Variants in STPG2 observed in about 807,000 individuals in gnomAD.
STPG2 encodes the protein sperm tail PG-rich repeat containing 2.
A neutral mutation model predicts 54.2 loss-of-function variants in STPG2; 56 were observed. The observed-to-expected ratio is 1.03, with a 90% confidence interval of 0.83 to 1.29. The LOEUF (loss-of-function observed/expected upper bound fraction) is 1.29, where lower values mean the gene tolerates loss of function less well. STPG2 is among the 50% of genes most tolerant of loss of function. The pLI, the probability that STPG2 is intolerant of heterozygous loss-of-function variation, is 0.00. For missense variants in STPG2, 596 were observed against 544.9 expected (o/e 1.09, Z -0.93); for synonymous variants, 200 against 181.8 (o/e 1.10, Z -0.81).
intron 10 of STPG2, among the ~76,000 whole-genome samples, chr4:97,689,760 C>T (rs1723307152): frequency 6.6e-6 from 1 of 152,010 alleles, no homozygotes; most frequent in South Asian, 2.1e-4. Flanking sequence ...ATTTAAGACA[C>T]AAGTCTCTCA....
chr4:97,583,239 A>G (rs1001749497), intron 10 of STPG2, among the ~76,000 whole-genome samples: 7 of 151,892 alleles, frequency 4.6e-5, no homozygotes, highest in Admixed American at 2.0e-4. Flanking sequence ...CCCATTATCA[A>G]CTACAAAAAT....
intron 10 of STPG2, among the ~76,000 whole-genome samples, chr4:97,576,160 C>G (rs1732717295): frequency 6.6e-6 from 1 of 151,436 alleles, no homozygotes; most frequent in Non-Finnish European, 1.5e-5. Flanking sequence ...TAGGCAGAAT[C>G]AATATTGGTA....
At chr4:98,128,739 GT>G (rs961414078) in intron 2 of STPG2, 147 bp from the exon 3 acceptor site, 135 of 690,492 alleles carry the variant, frequency 2.0e-4, no homozygotes, top group Middle Eastern at 4.4e-4. Flanking sequence ...TTTTGTTATT[GT>G]TTTTTTTGAG....
rs191466562 is a variant in STPG2 at position 97,987,443 on chromosome 4, G to A, written c.613-6125C>T. ...TTTAGGAAATAGTTTAACTACATAT[G>A]TTAATTGTAAGAAATTAAGCTTTTA... is the stretch of plus-strand genomic sequence containing the variant. On this transcript the variant is annotated intron_variant, in intron 5 of 10. Coordinates refer to ENST00000295268, the MANE Select transcript of STPG2 (RefSeq NM_174952.3). 2.0e-4 allele frequency among the ~76,000 whole-genome samples: 31 copies of A among 152,082 alleles called. 1 individual carries two copies. The highest frequency in any genetic ancestry group is 1.7e-3 in the Admixed American group (26 of 15,258).
intron 1 of STPG2, among the ~76,000 whole-genome samples, chr4:98,135,293 CTAA>C (rs2110168991): frequency 6.6e-6 from 1 of 151,692 alleles, no homozygotes; most frequent in South Asian, 2.1e-4. Context: ...CTAATCTGGA[CTAA>C]TAATAAAAGA....
chr4:97,797,268 T>C (rs1727224162), intron 9 of STPG2, among the ~76,000 whole-genome samples: 1 of 152,236 alleles, frequency 6.6e-6, no homozygotes, highest in South Asian at 2.1e-4. Flanking sequence ...CTTGTGCCAG[T>C]TTTCAAAGGG....
intron 10 of STPG2, among the ~76,000 whole-genome samples, chr4:97,598,455 C>CACA (rs1266964686): frequency 2.0e-5 from 3 of 151,006 alleles, no homozygotes; most frequent in Non-Finnish European, 4.4e-5. Context: ...CAAGCAAACA[C>CACA]ACAACAACAA....
chr4:97,983,108 C>A (rs1421755824), intron 5 of STPG2, among the ~76,000 whole-genome samples: 1 of 152,166 alleles, frequency 6.6e-6, no homozygotes, highest in Non-Finnish European at 1.5e-5. Context: ...TCAGTCTCTG[C>A]CACCCTTGAG....
At chr4:97,692,634 C>A (rs1209933038) in intron 10 of STPG2, among the ~76,000 whole-genome samples, 1 of 152,114 alleles carries the variant, frequency 6.6e-6, no homozygotes, top group East Asian at 1.9e-4. Context: ...AGGGAATAAT[C>A]AAGGAAATCT....
Position 97,558,957 on chromosome 4 carries a change from G to T in STPG2, c.*101C>A, listed in dbSNP as rs1034783194. ...GAATGCCTGAACAAGTGAAAATTAT[G>T]CTTTTATTACTCCTATATTTGGAAT... On this transcript the variant is annotated 3_prime_UTR_variant, in exon 11 of 11. Coordinates refer to ENST00000295268, the MANE Select transcript of STPG2 (RefSeq NM_174952.3). 1.6e-5 allele frequency: 15 copies of T among 941,054 alleles called. No homozygotes were observed. The highest frequency in any genetic ancestry group is 2.5e-5 in the Non-Finnish European group (15 of 599,366). 58.3% of individuals were successfully genotyped at this position (941,054 alleles called of 1,614,324 possible).
chr4:97,903,872 G>T (rs566687965), intron 8 of STPG2, among the ~76,000 whole-genome samples: 1 of 152,172 alleles, frequency 6.6e-6, no homozygotes, highest in Non-Finnish European at 1.5e-5. Flanking sequence ...ACTCCCACCC[G>T]AATACTGCGC....
chr4:97,677,165 T>C (rs1722876590), intron 10 of STPG2, among the ~76,000 whole-genome samples: 1 of 152,200 alleles, frequency 6.6e-6, no homozygotes, highest in African/African-American at 2.4e-5. Flanking sequence ...AGGTACTATC[T>C]GCTCATAAAC....
rs535878245 is a variant in STPG2 at position 97,541,796 on chromosome 4, A to G, written c.462+170903T>C. 4.2e-3 allele frequency among the ~76,000 whole-genome samples: 641 copies of G among 152,142 alleles called. 3 individuals are homozygous for G. Among genetic ancestry groups the G allele is most frequent in the South Asian group, 0.02 (98 of 4,806 alleles). ...AGATATAGACCAATGGAACAGAACA[A>G]AGCCCTCAGAAATAATACCACACAT... On this transcript the variant is annotated intron_variant, in intron 4 of 4. Transcript: ENST00000522676.
chr4:97,972,177 C>G, intron 7 of STPG2, 103 bp downstream of exon 7: 1 of 748,752 alleles, frequency 1.3e-6, no homozygotes, highest in Non-Finnish European at 2.0e-6. Flanking sequence ...GTTATAATAA[C>G]TATTTGACAT....
chr4:98,098,834 A>G (rs7662114), intron 5 of STPG2, among the ~76,000 whole-genome samples: 59,928 of 151,748 alleles, frequency 0.39, 12,034 homozygotes, highest in Middle Eastern at 0.46. Context: ...AGCTCCCAAA[A>G]GAAGAAATAC....
In STPG2 at chr4:97,840,826, G is replaced by A; in HGVS notation, c.1151C>T (p.Ala384Val). Reference protein sequence around the residue: ...PRSLVAKRKHASFLSATPRCL... With the variant: ...PRSLVAKRKHVSFLSATPRCL... Reference sequence around the variant, plus strand: ...CCGAGGAGTTGCACTAAGAAAAGAGGCATGTTTTCTTTTAGCCACTAAACT... The same window carrying A: ...CCGAGGAGTTGCACTAAGAAAAGAGACATGTTTTCTTTTAGCCACTAAACT... The change falls in exon 9 of 11, where the codon GCC (alanine) becomes GTC (valine). Residue 384 changes from alanine to valine, a missense_variant. Coordinates refer to ENST00000295268, the MANE Select transcript of STPG2 (RefSeq NM_174952.3). 4 of 1,612,050 alleles carry A rather than the reference G, an allele frequency of 2.5e-6. No individual in the cohort carries two copies. Among genetic ancestry groups the A allele is most frequent in the Non-Finnish European group, 3.4e-6 (4 of 1,178,590 alleles).
At chr4:97,716,398 C>T (rs1231760296) in intron 9 of STPG2, among the ~76,000 whole-genome samples, 13 of 152,036 alleles carry the variant, frequency 8.6e-5, no homozygotes, top group African/African-American at 1.4e-4. Flanking sequence ...CACATGCACA[C>T]GTATGTTTAT....
chr4:97,683,276 T>A (rs1345228913), intron 10 of STPG2, among the ~76,000 whole-genome samples: 3 of 151,808 alleles, frequency 2.0e-5, no homozygotes, highest in Admixed American at 2.0e-4. Context: ...TCAACAGTCA[T>A]TAAAGCTTTG....
intron 10 of STPG2, among the ~76,000 whole-genome samples, chr4:97,616,677 T>C (rs116591829): frequency 0.031 from 4,772 of 152,226 alleles, 168 homozygotes; most frequent in African/African-American, 0.087. Flanking sequence ...ACATCACTAG[T>C]GATGATGTCA....
Sources: gnomAD v4.1 joint callset for allele counts (sites outside exome capture counted in the v4.1 genomes callset) on GRCh38, gnomAD v4.1.1 for gene constraint, MANE v1.5 for transcripts, NCBI Gene and HGNC (gene_info 2026-07-23, HGNC 2026-07-21) for gene names.